RAI1: variants seen among roughly 807,000 people sequenced by gnomAD.
RAI1 encodes retinoic acid-induced protein 1.
Under a neutral mutation model 123.8 loss-of-function variants are expected in RAI1, and 9 were observed. That is an observed-to-expected ratio of 0.07 (90% confidence interval 0.04 to 0.13). The LOEUF (loss-of-function observed/expected upper bound fraction) is 0.13, where lower values mean the gene tolerates loss of function less well. Ranked by LOEUF, RAI1 falls within the 10% of genes least tolerant of loss-of-function variation. The probability of loss-of-function intolerance (pLI) is 1.00; values close to 1 mark genes in which losing one functional copy is unlikely to be tolerated. For synonymous variants in RAI1, 1,231 were observed against 1,127.3 expected (o/e 1.09, Z -1.84); for missense variants, 2,256 against 2,545.8 (o/e 0.89, Z 2.45).
rs1167586136 is a variant in RAI1 at position 17,795,666 on chromosome 17, G to A, written c.2718G>A (p.Glu906=). The part of the protein sequence containing the change: ...PLICTKEEVE[E]VLDSKAGWGS... Reference sequence around the variant, plus strand: ...TCTGCACCAAGGAGGAGGTGGAGGAGGTGCTGGACTCCAAGGCCGGCTGGG... The same window carrying A: ...TCTGCACCAAGGAGGAGGTGGAGGAAGTGCTGGACTCCAAGGCCGGCTGGG... Residue 906 remains glutamate, a synonymous_variant, in exon 3 of 6, where the codon GAG becomes GAA. Transcript: ENST00000353383. This position sits in a 1 kb window ranked among gnomAD's most constrained non-coding sequence, Gnocchi z 5.9. 2 of 1,613,240 alleles carry A rather than the reference G, an allele frequency of 1.2e-6. No homozygotes were observed. The highest frequency in any genetic ancestry group is 2.7e-5 in the African/African-American group (2 of 74,932).
chr17:17,748,818 A>G lies in RAI1; in HGVS notation c.-17+24659A>G, dbSNP rs139348124. On this transcript the variant is annotated intron_variant, in intron 2 of 5. Transcript: ENST00000353383. ...GGCGGCAGGGACCTCAGGGGCCATG[A>G]CAGGTATGTGAGTCAAGGGAGTGAT... is the stretch of plus-strand genomic sequence containing the variant. Among the ~76,000 whole-genome samples, 633 of 152,292 alleles carry G rather than the reference A, an allele frequency of 4.2e-3. 4 individuals are homozygous for G. The highest frequency in any genetic ancestry group is 0.014 in the African/African-American group (595 of 41,566).
At chr17:17,757,153 G>T (rs377659803) in intron 2 of RAI1, among the ~76,000 whole-genome samples, 27 of 152,192 alleles carry the variant, frequency 1.8e-4, no homozygotes, top group African/African-American at 6.3e-4. Context: ...GAGGCAGGGA[G>T]ACCCTGAGCC....
intron 2 of RAI1, among the ~76,000 whole-genome samples, chr17:17,788,773 C>G (rs984976187): frequency 8.5e-5 from 13 of 152,278 alleles, no homozygotes; most frequent in African/African-American, 3.1e-4. Context: ...CTCTCCCTTT[C>G]TCTTAGGAAA....
chr17:17,793,779 C>CCGG lies in RAI1; in HGVS notation c.832_833insGGC (p.Asp277_Gln278insArg). 7.4e-7 allele frequency: 1 copy of CCGG among 1,357,286 alleles called. No homozygotes were observed. Among genetic ancestry groups the CCGG allele is most frequent in the Non-Finnish European group, 9.5e-7 (1 of 1,055,510 alleles). The allele number at this position is 1,357,286 out of a possible 1,614,324, so 84.1% of individuals were successfully genotyped here. ...ACCAGTCGGGCCGCCTCAGCTATGA[C>CCGG]CAGCAGCAGCAGCAGCAGCAGCAGC... On this transcript the variant is annotated inframe_insertion, in exon 3 of 6. Coordinates refer to ENST00000353383, the MANE Select transcript of RAI1 (RefSeq NM_030665.4).
chr17:17,734,212 G>GT (rs1165374483), intron 2 of RAI1, among the ~76,000 whole-genome samples: 1 of 152,104 alleles, frequency 6.6e-6, no homozygotes, highest in African/African-American at 2.4e-5. Flanking sequence ...TTCAAGTGCT[G>GT]TTCACGCCTG....
At chr17:17,715,299 C>T (rs1030326972) in intron 1 of RAI1, among the ~76,000 whole-genome samples, 2 of 152,256 alleles carry the variant, frequency 1.3e-5, no homozygotes, top group Non-Finnish European at 2.9e-5. Flanking sequence ...TAAGCAGCCC[C>T]ATGACAAGCT....
Position 17,793,164 on chromosome 17 carries a change from G to A in RAI1, c.216G>A (p.Ala72=), listed in dbSNP as rs759958067. Reference sequence around the variant, plus strand: ...GCACGCCCTCTGGCACTGCAGCCGCGGTGGCCGCCGACAAGTACCACCGAG... The same window carrying A: ...GCACGCCCTCTGGCACTGCAGCCGCAGTGGCCGCCGACAAGTACCACCGAG... ...GAGTPSGTAA[A]VAADKYHRGS... is the part of the protein sequence containing the mutation. The change falls in exon 3 of 6, where the codon GCG becomes GCA. Residue 72 remains alanine (A), a synonymous_variant. Coordinates refer to ENST00000353383, the MANE Select transcript of RAI1 (RefSeq NM_030665.4). 1.2e-5 allele frequency: 19 copies of A among 1,613,026 alleles called. No individual in the cohort carries two copies. The highest frequency in any genetic ancestry group is 1.7e-5 in the Admixed American group (1 of 59,958).
At chr17:17,758,615 G>A (rs2030547194) in intron 2 of RAI1, among the ~76,000 whole-genome samples, 1 of 152,186 alleles carries the variant, frequency 6.6e-6, no homozygotes, top group Non-Finnish European at 1.5e-5. Context: ...GCAGTATCTG[G>A]GCACCAGAGA....
intron 4 of RAI1, among the ~76,000 whole-genome samples, chr17:17,808,572 C>T (rs975296912): frequency 2.6e-5 from 4 of 151,972 alleles, no homozygotes; most frequent in African/African-American, 7.3e-5. Flanking sequence ...CCCAGCCTCT[C>T]GAGTAGCTGG....
chr17:17,793,262 G>T lies in RAI1; in HGVS notation c.314G>T (p.Ser105Ile), dbSNP rs1428816669. ...PAFPGYGVQD[S>I]SPYPGRYAGE... ...TTCCCTGGCTACGGCGTCCAGGACA[G>T]CAGCCCCTACCCAGGCCGCTATGCT... Residue 105 changes from serine to isoleucine, a missense_variant, in exon 3 of 6, where the codon AGC becomes ATC. Ser to Ile is a moderately radical substitution (Grantham distance 142, BLOSUM62 -2). Coordinates refer to ENST00000353383, the MANE Select transcript of RAI1 (RefSeq NM_030665.4). 4 of 1,612,104 alleles carry T rather than the reference G, an allele frequency of 2.5e-6. No homozygotes were observed. Among genetic ancestry groups the T allele is most frequent in the Non-Finnish European group, 3.4e-6 (4 of 1,179,620 alleles).
At chr17:17,724,964 G>A (rs1004709956) in intron 2 of RAI1, among the ~76,000 whole-genome samples, 1 of 150,538 alleles carries the variant, frequency 6.6e-6, no homozygotes, top group Admixed American at 6.6e-5. Flanking sequence ...CGGTCGAGTG[G>A]CCAGGCTGAC....
At chr17:17,790,159 T>C (rs570360370) in intron 2 of RAI1, among the ~76,000 whole-genome samples, 68 of 151,762 alleles carry the variant, frequency 4.5e-4, no homozygotes, top group Non-Finnish European at 8.7e-4. Context: ...GTAATCATAA[T>C]CATAATAATT....
intron 2 of RAI1, among the ~76,000 whole-genome samples, chr17:17,753,472 C>G (rs1466888500): frequency 6.6e-6 from 1 of 152,206 alleles, no homozygotes; most frequent in African/African-American, 2.4e-5. Context: ...ACATGGATAG[C>G]CTTTTGGGAG....
intron 2 of RAI1, among the ~76,000 whole-genome samples, chr17:17,771,287 A>C (rs949394786): frequency 1.1e-4 from 17 of 152,082 alleles, no homozygotes; most frequent in South Asian, 4.2e-4. Flanking sequence ...TCCATCCATC[A>C]AATTCGTTCA....
intron 2 of RAI1, chr17:17,759,527 A>C (rs2030595342): frequency 6.6e-6 from 1 of 152,170 alleles, no homozygotes; most frequent in Admixed American, 6.5e-5. Context: ...TTGCTCCAGA[A>C]CCAGGTACAG....
At chr17:17,763,663 G>A (rs2350965) in intron 2 of RAI1, among the ~76,000 whole-genome samples, 21 of 152,228 alleles carry the variant, frequency 1.4e-4, no homozygotes, top group Non-Finnish European at 3.1e-4. Flanking sequence ...TGAGATCCCA[G>A]CATGCCTGGA....
intron 2 of RAI1, chr17:17,779,543 C>T (rs1045725805): frequency 6.4e-6 from 1 of 155,434 alleles, no homozygotes; most frequent in African/African-American, 2.4e-5. Flanking sequence ...TTCAGCACAA[C>T]AGTAGCTACA....
chr17:17,750,704 A>G (rs1047494831), intron 2 of RAI1, among the ~76,000 whole-genome samples: 12 of 151,424 alleles, frequency 7.9e-5, no homozygotes, highest in South Asian at 2.1e-4. Context: ...AAAAAAAAAA[A>G]AAAAAAAAAG....
intron 2 of RAI1, among the ~76,000 whole-genome samples, chr17:17,740,193 T>C (rs946569126): frequency 1.3e-5 from 2 of 152,180 alleles, no homozygotes; most frequent in Admixed American, 6.5e-5. Context: ...TTCTCTGTGC[T>C]CAGGGGGAAA....
Sources: gnomAD v4.1 joint callset for allele counts (sites outside exome capture counted in the v4.1 genomes callset) on GRCh38, gnomAD v4.1.1 for gene constraint, Gnocchi (gnomAD v3.1) non-coding constraint, MANE v1.5 for transcripts, NCBI Gene and HGNC (gene_info 2026-07-23, HGNC 2026-07-21) for gene names.